The following ANKS1B variants were observed in gnomAD, a reference collection of about 807,000 sequenced individuals.
The protein encoded by ANKS1B is ankyrin repeat and sterile alpha motif domain-containing protein 1B.
Under a neutral mutation model 148.3 loss-of-function variants are expected in ANKS1B, and 36 were observed. The ratio of observed to expected loss-of-function variants is 0.24; its 90% confidence interval spans 0.19 to 0.32. The LOEUF (loss-of-function observed/expected upper bound fraction) is 0.32. ANKS1B is among the 10% of genes least tolerant of loss of function. ANKS1B has a pLI of 1.00. For synonymous variants in ANKS1B, 542 were observed against 560.8 expected (o/e 0.97, Z 0.47); for missense variants, 1,157 against 1,542.6 (o/e 0.75, Z 4.19).
Position 99,367,998 on chromosome 12 carries a change from G to A in ANKS1B, c.1756+31633C>T, listed in dbSNP as rs192336845. 3.3e-5 allele frequency among the ~76,000 whole-genome samples: 5 copies of A among 152,180 alleles called. No individual in the cohort carries two copies. The East Asian group carries it at 7.7e-4, about 23-fold the overall frequency. On this transcript the variant is annotated intron_variant, in intron 12 of 26. Coordinates refer to ENST00000683438, the MANE Select transcript of ANKS1B (RefSeq NM_001352186.2). ...AAATCCTAAAATTAAAAGGAAACCA[G>A]AATAAATAAGCCTAACTCTATTTTA...
At chr12:98,745,995 T>C in intron 26 of ANKS1B, 146 bp from the exon 27 acceptor site, 1 of 775,456 alleles carries the variant, frequency 1.3e-6, no homozygotes, top group South Asian at 2.1e-5. Flanking sequence ...GGGCTCGCTC[T>C]TTGGACACAC....
intron 15 of ANKS1B, among the ~76,000 whole-genome samples, chr12:99,089,172 T>C (rs2053176792): frequency 8.1e-5 from 2 of 24,544 alleles, no homozygotes; most frequent in African/African-American, 3.8e-4. Context: ...CCTCCATCAT[T>C]TTTTTTTTTC....
chr12:99,666,153 A>T (rs901683086), intron 8 of ANKS1B, among the ~76,000 whole-genome samples: 1 of 152,164 alleles, frequency 6.6e-6, no homozygotes. Context: ...TCTGAATTCT[A>T]CTTTGTTCTA....
intron 14 of ANKS1B, among the ~76,000 whole-genome samples, chr12:99,189,287 C>G (rs2080312752): frequency 6.6e-6 from 1 of 152,140 alleles, no homozygotes; most frequent in South Asian, 2.1e-4. Flanking sequence ...GGTACCATTC[C>G]TTCTGAAACT....
intron 1 of ANKS1B, among the ~76,000 whole-genome samples, chr12:99,877,533 G>T (rs1720741243): frequency 1.3e-5 from 2 of 152,142 alleles, no homozygotes; most frequent in Admixed American, 1.3e-4. Context: ...CATTCTACTA[G>T]CTTCCTGAGA....
chr12:98,756,727 C>CT (rs1197713336), intron 25 of ANKS1B, among the ~76,000 whole-genome samples: 12,758 of 127,384 alleles, frequency 0.1, 775 homozygotes, highest in Non-Finnish European at 0.14. Flanking sequence ...CTCCATCTAT[C>CT]TTTTTTTTTT....
intron 14 of ANKS1B, among the ~76,000 whole-genome samples, chr12:99,160,018 T>G (rs1208935041): frequency 6.6e-6 from 1 of 152,250 alleles, no homozygotes; most frequent in African/African-American, 2.4e-5. Context: ...GCCACTTGTA[T>G]GTCTTCTTTT....
intron 12 of ANKS1B, among the ~76,000 whole-genome samples, chr12:99,335,039 G>A (rs1372983730): frequency 3.9e-5 from 6 of 151,912 alleles, no homozygotes; most frequent in Admixed American, 1.3e-4. Context: ...TTGAGTCCTC[G>A]CGATGGTCTT....
intron 17 of ANKS1B, among the ~76,000 whole-genome samples, chr12:98,920,023 T>C (rs1238166215): frequency 1.3e-5 from 2 of 152,156 alleles, no homozygotes; most frequent in African/African-American, 2.4e-5. Context: ...GTACAGCAAA[T>C]TGGGTGGCTT....
At chr12:99,890,745 A>C (rs971750908) in intron 1 of ANKS1B, among the ~76,000 whole-genome samples, 6 of 152,170 alleles carry the variant, frequency 3.9e-5, no homozygotes, top group Non-Finnish European at 7.3e-5. Context: ...GCCTTTACAC[A>C]ACCCAATTAA....
intron 4 of ANKS1B, among the ~76,000 whole-genome samples, chr12:99,800,441 CAAAAA>C (rs138056927): frequency 1.2e-5 from 1 of 86,744 alleles, no homozygotes; most frequent in Non-Finnish European, 2.3e-5. Context: ...ATACAGAAGC[CAAAAA>C]AAAAAAAAAA....
At chr12:99,019,973 A>G (rs1190157737) in intron 17 of ANKS1B, among the ~76,000 whole-genome samples, 2 of 152,208 alleles carry the variant, frequency 1.3e-5, no homozygotes, top group African/African-American at 4.8e-5. Flanking sequence ...AATTCAGAAT[A>G]ATCAAATTGA....
At chr12:99,343,613 T>C (rs553148696) in intron 12 of ANKS1B, 3 of 152,174 alleles carry the variant, frequency 2.0e-5, no homozygotes, top group Admixed American at 1.3e-4. Flanking sequence ...CATATAACCA[T>C]GCTAAAATCT....
intron 17 of ANKS1B, among the ~76,000 whole-genome samples, chr12:98,868,782 A>C (rs2099638449): frequency 6.6e-6 from 1 of 152,220 alleles, no homozygotes; most frequent in South Asian, 2.1e-4. Context: ...CTATTTGTCC[A>C]GTCTCTCACC....
At chr12:99,813,178 C>A (rs1289731614) in intron 2 of ANKS1B, among the ~76,000 whole-genome samples, 2 of 151,542 alleles carry the variant, frequency 1.3e-5, no homozygotes, top group Non-Finnish European at 3.0e-5. Context: ...TTAATCCCCA[C>A]CAGGTTTTCA....
chr12:99,559,077 C>A (rs369526032), intron 9 of ANKS1B, among the ~76,000 whole-genome samples: 7 of 152,240 alleles, frequency 4.6e-5, no homozygotes, highest in African/African-American at 1.7e-4. Context: ...GCACCGTTCC[C>A]AGCTTCCTCC....
chr12:99,087,375 T>C (rs377354459), intron 15 of ANKS1B, among the ~76,000 whole-genome samples: 2 of 152,228 alleles, frequency 1.3e-5, no homozygotes, highest in African/African-American at 4.8e-5. Flanking sequence ...GTCATTCTTA[T>C]GCTTAAGCAA....
chr12:98,838,904 C>T (rs1372026462), intron 17 of ANKS1B, among the ~76,000 whole-genome samples: 2 of 152,234 alleles, frequency 1.3e-5, no homozygotes, highest in African/African-American at 4.8e-5. Context: ...TCCCCCCTGC[C>T]TGATAACAAT....
intron 17 of ANKS1B, among the ~76,000 whole-genome samples, chr12:98,833,989 G>T (rs1224176712): frequency 1.3e-5 from 2 of 152,028 alleles, no homozygotes; most frequent in Non-Finnish European, 1.5e-5. Flanking sequence ...CTATTTGTTG[G>T]TTAACTTACG....
Sources: gnomAD v4.1 joint callset for allele counts (sites outside exome capture counted in the v4.1 genomes callset) on GRCh38, gnomAD v4.1.1 for gene constraint, MANE v1.5 for transcripts, NCBI Gene and HGNC (gene_info 2026-07-23, HGNC 2026-07-21) for gene names.